Variants in KCNK16 observed in about 807,000 individuals in gnomAD.
KCNK16 encodes potassium channel subfamily K member 16.
KCNK16 carries 23 observed loss-of-function variants against 23.0 expected under a neutral mutation model. That is an observed-to-expected ratio of 1.00 (90% confidence interval 0.72 to 1.41). KCNK16 has a LOEUF of 1.41. Among genes scored for constraint, KCNK16 ranks in the 40% most tolerant of loss-of-function variants. The pLI is 0.00. For synonymous variants in KCNK16, 145 were observed against 153.5 expected (o/e 0.94, Z 0.41); for missense variants, 327 against 365.8 (o/e 0.89, Z 0.87).
Position 39,319,853 on chromosome 6 carries a change from ATGTG to A in KCNK16, c.214-724_214-721del, listed in dbSNP as rs1435273887. Among the ~76,000 whole-genome samples, 1 of 68,034 alleles carries A rather than the reference ATGTG, an allele frequency of 1.5e-5. No individual in the cohort carries two copies. Among genetic ancestry groups the A allele is most frequent in the Non-Finnish European group, 3.5e-5 (1 of 28,736 alleles). 44.6% of individuals were successfully genotyped at this position (68,034 alleles called of 152,430 possible). On this transcript the variant is annotated intron_variant, in intron 1 of 4. Transcript: ENST00000437525. The surrounding 1 kb of genome is among the most constrained non-coding windows in gnomAD (Gnocchi z 4.2). ...ATGTTGCACATGTGTGCATGTTTGT[ATGTG>A]TGTTGCATGTGTTTTCACAAGACCC...
downstream of KCNK16, chr6:39,315,195 A>C (rs1350170591): frequency 6.2e-7 from 1 of 1,614,110 alleles, no homozygotes; most frequent in East Asian, 2.2e-5. Context: ...GGCAAAGGCC[A>C]AAATTTCCAG....
chr6:39,314,712 G>A (rs1169005153), downstream of KCNK16: 2 of 451,856 alleles, frequency 4.4e-6, no homozygotes, highest in Non-Finnish European at 7.8e-6. Context: ...AGATAGTAGA[G>A]ACCAACTTTA....
chr6:39,316,534 C>G, intron 4 of KCNK16, 92 bp from the exon 5 acceptor site: 1 of 1,427,012 alleles, frequency 7.0e-7, no homozygotes, highest in Non-Finnish European at 9.4e-7. Context: ...AGGATGCTCT[C>G]TCCCTCTTCC....
In KCNK16 at chr6:39,319,746, AGTGT is replaced by A. The variant is rs146841804; in HGVS notation, c.214-617_214-614del. ...GGCCAAGACAAAGGTGGCACGTGTG[AGTGT>A]GTGTGTGTGTGTGTGTGTGTGTGTG... is the stretch of plus-strand genomic sequence containing the variant. On this transcript the variant is annotated intron_variant, in intron 1 of 4. Coordinates refer to ENST00000437525, the MANE Select transcript of KCNK16 (RefSeq NM_001135106.2). The surrounding 1 kb of genome is among the most constrained non-coding windows in gnomAD (Gnocchi z 4.2). Among the ~76,000 whole-genome samples the A allele has an allele frequency of 0.031, 4,561 of 148,336 alleles. 171 individuals are homozygous for A. The highest frequency in any genetic ancestry group is 0.1 in the African/African-American group (4,047 of 40,476).
chr6:39,315,439 G>T (rs1762273644), downstream of KCNK16: 2 of 1,545,608 alleles, frequency 1.3e-6, no homozygotes, highest in Non-Finnish European at 1.7e-6. Flanking sequence ...GGCCTGTGAG[G>T]GTCAGGGGAG....
In KCNK16 at chr6:39,319,091, TGC is replaced by T. The variant is rs757379499; in HGVS notation, c.254_255del (p.Gly85GlufsTer51). 1,252 of 1,614,114 alleles carry T rather than the reference TGC, an allele frequency of 7.8e-4. No homozygotes were observed. Among genetic ancestry groups the T allele is most frequent in the Non-Finnish European group, 9.4e-4 (1,114 of 1,179,986 alleles). On this transcript the variant is annotated frameshift_variant, in exon 2 of 5. Coordinates refer to ENST00000437525, the MANE Select transcript of KCNK16 (RefSeq NM_001135106.2). LOFTEE classifies it high-confidence loss of function. The surrounding 1 kb of genome is among the most constrained non-coding windows in gnomAD (Gnocchi z 4.2). ...TCCCAGTTGCTGGGGTTGGTAGAGTTGCCTTTGGGGTTCACACCTTTCACCCA... is the reference window on the plus strand; with the variant it reads ...TCCCAGTTGCTGGGGTTGGTAGAGTTCTTTGGGGTTCACACCTTTCACCCA... ...EAWVKGVNPK[G>X]NSTNPSNWDF...
rs1200678450 is a variant in KCNK16 at position 39,316,378 on chromosome 6, C to T, written c.726G>A (p.Leu242=). The change falls in exon 5 of 5, where the codon CTG becomes CTA. Residue 242 remains leucine, a synonymous_variant. Coordinates refer to ENST00000437525, the MANE Select transcript of KCNK16 (RefSeq NM_001135106.2). ...GGATCAGCGCCAGCCACGCCAGGCC[C>T]AGGAGGATCCAGATGGCTGCCAGGC... ...YRSLAAIWIL[L]GLAWLALILP... is the part of the protein sequence containing the mutation. 6.2e-7 allele frequency: 1 copy of T among 1,612,924 alleles called. No individual in the cohort carries two copies. The highest frequency in any genetic ancestry group is 1.7e-5 in the Admixed American group (1 of 59,874).
chr6:39,316,788 C>G lies in KCNK16; in HGVS notation c.655G>C (p.Val219Leu), dbSNP rs746936587. The change falls in exon 4 of 5, where the codon GTT becomes CTT. Residue 219 changes from valine (V) to leucine (L), a missense_variant. Transcript: ENST00000437525. Reference sequence around the variant, plus strand: ...GTGACTGTTTTGTTCTCACCAACAACATAGTCCCCAAAGCCAATGGTGCTG... The same window carrying G: ...GTGACTGTTTTGTTCTCACCAACAAGATAGTCCCCAAAGCCAATGGTGCTG... ...TLSTIGFGDY[V>L]VGTDPSKHYI... The G allele has an allele frequency of 1.2e-6, 2 of 1,613,836 alleles. No homozygotes were observed. The highest frequency in any genetic ancestry group is 3.3e-5 in the Admixed American group (2 of 59,980).
At chr6:39,315,841 G>A (rs776837502), downstream of KCNK16, among the ~76,000 whole-genome samples, 2 of 152,144 alleles carry the variant, frequency 1.3e-5, no homozygotes, top group Non-Finnish European at 2.9e-5. Flanking sequence ...ACATAGTAGG[G>A]GCTTGGCAAA....
At chr6:39,318,000 C>T in intron 2 of KCNK16, 48 bp from the exon 3 acceptor site, 1 of 1,515,140 alleles carries the variant, frequency 6.6e-7, no homozygotes, top group Non-Finnish European at 8.9e-7. Context: ...CTAGAACGCC[C>T]TCTGCTCCTC....
Position 39,317,814 on chromosome 6 carries a change from C to A in KCNK16, c.467G>T (p.Arg156Ile), listed in dbSNP as rs1270619520. 4.3e-6 allele frequency: 7 copies of A among 1,609,666 alleles called. No individual in the cohort carries two copies. Among genetic ancestry groups the A allele is most frequent in the East Asian group, 2.2e-5 (1 of 44,772 alleles). Residue 156 changes from arginine (R) to isoleucine (I), a missense_variant, in exon 3 of 5, where the codon AGA becomes ATA. Transcript: ENST00000437525. The stretch of plus-strand genomic sequence containing the variant: ...GGAGCGCCTGGGACGGTCCTCCCAT[C>A]TTTCAATGGCGGCCAGATGGGCACG... Reference protein sequence around the residue: ...GLRAHLAAIERWEDRPRRSQV... With the variant: ...GLRAHLAAIEIWEDRPRRSQV...
chr6:39,315,137 G>GAGGAACCCAGCCACAT, downstream of KCNK16: 1 of 1,614,260 alleles, frequency 6.2e-7, no homozygotes, highest in Non-Finnish European at 8.5e-7. Flanking sequence ...GACCTGTGCA[G>GAGGAACCCAGCCACAT]AGGAACCCAG....
chr6:39,316,448 A>G lies in KCNK16; in HGVS notation c.662-6T>C. 1 of 1,592,368 alleles carries G rather than the reference A, an allele frequency of 6.3e-7. No individual in the cohort carries two copies. Among genetic ancestry groups the G allele is most frequent in the Non-Finnish European group, 8.6e-7 (1 of 1,165,576 alleles). On this transcript the variant is annotated splice_region_variant and splice_polypyrimidine_tract_variant and intron_variant, in intron 4 of 4. Coordinates refer to ENST00000437525, the MANE Select transcript of KCNK16 (RefSeq NM_001135106.2). ...ATGCTTGCTGGGGTCTGTGCCTGCC[A>G]GGGAAGGGAATGGCATCAATGCCAG...
chr6:39,322,397 C>G lies in KCNK16; in HGVS notation c.144G>C (p.Gln48His). The G allele has an allele frequency of 1.2e-5, 19 of 1,614,040 alleles. No homozygotes were observed. The highest frequency in any genetic ancestry group is 1.6e-4 in the Middle Eastern group (1 of 6,062). ...TCTCCAGGAAGCGCAGCTTCTCCAA[C>G]TGAAACTGGTCCCTGGACTGAGCCT... ...QAEAQSRDQF[Q>H]LEKLRFLENY... The change falls in exon 1 of 5, where the codon CAG becomes CAC. Residue 48 changes from glutamine (Q) to histidine (H), a missense_variant. By Grantham distance (24) the Gln-to-His change is conservative (BLOSUM62 0). Coordinates refer to ENST00000437525, the MANE Select transcript of KCNK16 (RefSeq NM_001135106.2).
At position 39,319,539 on chromosome 6, in the gene KCNK16, G is replaced by A. The variant is rs1265473107; in HGVS notation, c.214-406C>T. ...GAGGATTTCAGGTTGGGTATGTCTG[G>A]AAGGGATTGCTGGGGAACACAGGGT... On this transcript the variant is annotated intron_variant, in intron 1 of 4. Coordinates refer to ENST00000437525, the MANE Select transcript of KCNK16 (RefSeq NM_001135106.2). The surrounding 1 kb of genome is among the most constrained non-coding windows in gnomAD (Gnocchi z 4.2). 1.3e-5 allele frequency among the ~76,000 whole-genome samples: 2 copies of A among 152,278 alleles called. No homozygotes were observed. Among genetic ancestry groups the A allele is most frequent in the East Asian group, 3.9e-4 (2 of 5,166 alleles).
Position 39,319,131 on chromosome 6 carries a change from G to A in KCNK16, c.216C>T (p.Val72=). ...DQWAMEQFVQ[V]IMEAWVKGVN... ...CACCTTTCACCCAGGCTTCCATGAT[G>A]ACCTGTAGGGGGTGGCATGGCAGGG... Residue 72 remains valine (V), a splice_region_variant and synonymous_variant, in exon 2 of 5, where the codon GTC becomes GTT. Transcript: ENST00000437525. This position sits in a 1 kb window ranked among gnomAD's most constrained non-coding sequence, Gnocchi z 4.2. 6.3e-7 allele frequency: 1 copy of A among 1,598,294 alleles called. No homozygotes were observed. The highest frequency in any genetic ancestry group is 8.6e-7 in the Non-Finnish European group (1 of 1,165,862).
chr6:39,317,064 C>G (rs1345353763), intron 3 of KCNK16, 117 bp from the exon 4 acceptor site: 1 of 1,015,114 alleles, frequency 9.9e-7, no homozygotes, highest in African/African-American at 1.6e-5. Flanking sequence ...GGACCCTTTC[C>G]TGCACTGCAG....
At position 39,322,408 on chromosome 6, in the gene KCNK16, C is replaced by T. The variant is rs199507574; in HGVS notation, c.133G>A (p.Asp45Asn). 3.7e-6 allele frequency: 6 copies of T among 1,614,074 alleles called. No individual in the cohort carries two copies. The African/African-American group carries it at 5.3e-5, about 14-fold the overall frequency. Residue 45 changes from aspartate to asparagine, a missense_variant, in exon 1 of 5, where the codon GAC becomes AAC. By Grantham distance (23) the Asp-to-Asn change is conservative (BLOSUM62 1). Transcript: ENST00000437525. ...CGCAGCTTCTCCAACTGAAACTGGT[C>T]CCTGGACTGAGCCTCCGCCTGCCTC... The part of the protein sequence containing the change: ...LERQAEAQSR[D>N]QFQLEKLRFL...
At chr6:39,316,696 A>G (rs954407722) in intron 4 of KCNK16, 86 bp downstream of exon 4, 33 of 1,469,974 alleles carry the variant, frequency 2.2e-5, no homozygotes, top group Non-Finnish European at 2.8e-5. Context: ...CTTATCCTCA[A>G]TAGTTGTCCT....
Sources: gnomAD v4.1 joint callset for allele counts (sites outside exome capture counted in the v4.1 genomes callset) on GRCh38, gnomAD v4.1.1 for gene constraint, Gnocchi (gnomAD v3.1) non-coding constraint, MANE v1.5 for transcripts, NCBI Gene and HGNC (gene_info 2026-07-23, HGNC 2026-07-21) for gene names.